Variants in ATP11B observed in about 807,000 individuals in gnomAD.
ATP11B encodes the protein phospholipid-transporting ATPase IF.
In ATP11B, 81 loss-of-function variants were observed where a neutral mutation model predicts 157.8. That is an observed-to-expected ratio of 0.51 (90% CI 0.43 to 0.62). The LOEUF is 0.62. ATP11B is among the 20% of genes least tolerant of loss of function. The probability of loss-of-function intolerance (pLI) is 0.00; values close to 1 mark genes in which losing one functional copy is unlikely to be tolerated. For missense variants in ATP11B, 1,165 were observed against 1,402.2 expected (o/e 0.83, Z 2.70); for synonymous variants, 451 against 469.4 (o/e 0.96, Z 0.51).
intron 23 of ATP11B, 21 bp from the exon 24 acceptor site, chr3:182,887,565 C>G (rs1722879779): frequency 6.3e-7 from 1 of 1,597,694 alleles, no homozygotes; most frequent in Non-Finnish European, 8.5e-7. Context: ...ACTCAACATT[C>G]CTACCAATTT....
chr3:182,842,280 G>A (rs1560079585), intron 8 of ATP11B, among the ~76,000 whole-genome samples, 158 bp downstream of exon 8: 1 of 152,114 alleles, frequency 6.6e-6, no homozygotes, highest in African/African-American at 2.4e-5. Context: ...ACATTTAGTG[G>A]TTTATTATAT....
intron 29 of ATP11B, chr3:182,916,167 C>T (rs1725129611): frequency 2.2e-5 from 22 of 985,240 alleles, no homozygotes; most frequent in Non-Finnish European, 2.5e-5. Context: ...ATAGAGTTCT[C>T]TTTTTGTTTA....
chr3:182,831,760 C>T (rs1214534232), intron 4 of ATP11B, among the ~76,000 whole-genome samples: 1 of 152,140 alleles, frequency 6.6e-6, no homozygotes, highest in African/African-American at 2.4e-5. Flanking sequence ...CCATGCCACT[C>T]TTATTTCTTA....
chr3:182,864,648 C>G (rs1212000922), intron 12 of ATP11B, among the ~76,000 whole-genome samples: 6 of 151,990 alleles, frequency 3.9e-5, no homozygotes, highest in Non-Finnish European at 4.4e-5. Flanking sequence ...TTATATGTTT[C>G]TGGATTTGAT....
In ATP11B at chr3:182,793,708, G is replaced by C; in HGVS notation, c.-52G>C. On this transcript the variant is annotated 5_prime_UTR_variant, in exon 1 of 30. Coordinates refer to ENST00000323116, the MANE Select transcript of ATP11B (RefSeq NM_014616.3). Reference sequence around the variant, plus strand: ...GCCTCTGTCTTGTCGGCCTCCACCTGCAGCCCCGCGGCCCCCGCGCCCCGC... The same window carrying C: ...GCCTCTGTCTTGTCGGCCTCCACCTCCAGCCCCGCGGCCCCCGCGCCCCGC... 7.5e-7 allele frequency: 1 copy of C among 1,337,874 alleles called. No individual in the cohort carries two copies. The highest frequency in any genetic ancestry group is 1.4e-5 in the South Asian group (1 of 70,412). The allele number at this position is 1,337,874 out of a possible 1,614,324, so 82.9% of individuals were successfully genotyped here.
chr3:182,874,052 G>A lies in ATP11B; in HGVS notation c.2252+37G>A, dbSNP rs1172263346. 7 of 1,578,428 alleles carry A rather than the reference G, an allele frequency of 4.4e-6. No homozygotes were observed. The African/African-American group carries it at 5.4e-5, about 12-fold the overall frequency. On this transcript the variant is annotated intron_variant, in intron 19 of 29. Transcript: ENST00000323116. ...GGAACCTGTATCATACCTTTCAGGGGTTAGCAAACTATGGTTCCCTGGGCC... is the reference window on the plus strand; with the variant it reads ...GGAACCTGTATCATACCTTTCAGGGATTAGCAAACTATGGTTCCCTGGGCC...
intron 11 of ATP11B, among the ~76,000 whole-genome samples, chr3:182,858,878 T>C (rs1720622536): frequency 6.6e-6 from 1 of 152,188 alleles, no homozygotes; most frequent in South Asian, 2.1e-4. Flanking sequence ...GTTTCAGTCA[T>C]ACCAGGCTTT....
chr3:182,845,645 ATTTTC>A (rs1719455028), intron 9 of ATP11B, 123 bp downstream of exon 9: 2 of 682,636 alleles, frequency 2.9e-6, no homozygotes, highest in East Asian at 6.8e-5. Context: ...ATTTATGATA[ATTTTC>A]TTATAAAGTT....
At chr3:182,837,866 A>G (rs1718673477) in intron 7 of ATP11B, among the ~76,000 whole-genome samples, 1 of 152,110 alleles carries the variant, frequency 6.6e-6, no homozygotes, top group African/African-American at 2.4e-5. Flanking sequence ...TTCAGTGATC[A>G]TCTTCAGTAA....
chr3:182,859,309 G>C lies in ATP11B; in HGVS notation c.1150G>C (p.Asp384His). 1 of 1,610,434 alleles carries C rather than the reference G, an allele frequency of 6.2e-7. No homozygotes were observed. The change falls in exon 12 of 30, where the codon GAT (aspartate) becomes CAT (histidine). Residue 384 changes from aspartate (D) to histidine (H), a missense_variant. Asp to His is a moderately conservative substitution (Grantham distance 81). Transcript: ENST00000323116. ...TCTTGATCTGTATCATGAAGAATCA[G>C]ATCAGAAAGCTCAAGTCAATACTTC... is the stretch of plus-strand genomic sequence containing the variant. ...WDLDLYHEESDQKAQVNTSDL... is the reference protein window; with the variant it reads ...WDLDLYHEESHQKAQVNTSDL...
chr3:182,874,768 A>G (rs958032445), intron 19 of ATP11B, among the ~76,000 whole-genome samples: 2 of 152,172 alleles, frequency 1.3e-5, no homozygotes, highest in African/African-American at 2.4e-5. Flanking sequence ...CAAAAGAAGT[A>G]TTTTCATTCT....
Position 182,914,544 on chromosome 3 carries a change from C to T in ATP11B, c.3452+550C>T, listed in dbSNP as rs1257671926. 4.1e-6 allele frequency: 4 copies of T among 985,186 alleles called. No homozygotes were observed. The African/African-American group carries it at 7.0e-5, about 17-fold the overall frequency. The allele number at this position is 985,186 out of a possible 1,614,324, so 61.0% of individuals were successfully genotyped here. On this transcript the variant is annotated intron_variant, in intron 29 of 29. Transcript: ENST00000323116. The stretch of plus-strand genomic sequence containing the variant: ...TCTGTAATGAAGTTTTGAAATGAGT[C>T]ATGATTTTTAAGTTTCTTTTGCTTG...
At chr3:182,840,939 C>CA (rs1718962663) in intron 7 of ATP11B, among the ~76,000 whole-genome samples, 2 of 152,274 alleles carry the variant, frequency 1.3e-5, no homozygotes, top group African/African-American at 4.8e-5. Context: ...CCATGTCACT[C>CA]AGAGTCAAAG....
At chr3:182,867,287 A>G in intron 14 of ATP11B, 89 bp from the exon 15 acceptor site, 4 of 810,322 alleles carry the variant, frequency 4.9e-6, no homozygotes, top group Non-Finnish European at 8.2e-6. Context: ...TTGATTTTAA[A>G]TGTTTTTATT....
chr3:182,886,067 G>A, intron 23 of ATP11B, 57 bp downstream of exon 23: 1 of 1,193,196 alleles, frequency 8.4e-7, no homozygotes, highest in Non-Finnish European at 1.1e-6. Flanking sequence ...ACGTATGTAT[G>A]TTCAGATTTT....
intron 19 of ATP11B, among the ~76,000 whole-genome samples, chr3:182,876,866 A>G (rs1369188301): frequency 6.6e-6 from 1 of 152,218 alleles, no homozygotes; most frequent in African/African-American, 2.4e-5. Flanking sequence ...AGCACTTTCT[A>G]TGTGAAATTT....
At chr3:182,819,245 T>C (rs1167746626) in intron 1 of ATP11B, among the ~76,000 whole-genome samples, 1 of 151,834 alleles carries the variant, frequency 6.6e-6, no homozygotes, top group Non-Finnish European at 1.5e-5. Context: ...ATTTTTTTTG[T>C]ATTTTTTAGT....
intron 27 of ATP11B, among the ~76,000 whole-genome samples, chr3:182,898,162 A>C (rs923989622): frequency 1.5e-4 from 23 of 152,194 alleles, no homozygotes; most frequent in Admixed American, 4.6e-4. Flanking sequence ...CAAAAAGAAT[A>C]TCTTTATAAC....
chr3:182,880,879 G>A lies in ATP11B; in HGVS notation c.2407G>A (p.Val803Ile), dbSNP rs1450285845. ...ATAACCAATTCATTATGTCTTTCAG[G>A]TAATAAGACTAATAAAAATATCACC... ...CRMAPLQKAK[V>I]IRLIKISPEK... Residue 803 changes from valine to isoleucine, a missense_variant and splice_region_variant, in exon 21 of 30, where the codon GTA becomes ATA. Transcript: ENST00000323116. The A allele has an allele frequency of 6.4e-7, 1 of 1,569,732 alleles. No homozygotes were observed. Among genetic ancestry groups the A allele is most frequent in the Non-Finnish European group, 8.6e-7 (1 of 1,159,266 alleles).
Sources: gnomAD v4.1 joint callset for allele counts (sites outside exome capture counted in the v4.1 genomes callset) on GRCh38, gnomAD v4.1.1 for gene constraint, MANE v1.5 for transcripts, NCBI Gene and HGNC (gene_info 2026-07-23, HGNC 2026-07-21) for gene names.